Variants in EPSTI1 observed in about 807,000 individuals in gnomAD.
EPSTI1 encodes epithelial stromal interaction 1, also known as epithelial-stromal interaction protein 1.
In EPSTI1, 66 loss-of-function variants were observed where a neutral mutation model predicts 49.9. The ratio of observed to expected loss-of-function variants is 1.32; its 90% CI spans 1.08 to 1.62. The LOEUF (loss-of-function observed/expected upper bound fraction) is 1.62, where lower values mean the gene tolerates loss of function less well. EPSTI1 is among the 40% of genes most tolerant of loss of function. The pLI, the probability that EPSTI1 is intolerant of heterozygous loss-of-function variation, is 0.00. For missense variants in EPSTI1, 394 were observed against 365.5 expected (o/e 1.08, Z -0.64); for synonymous variants, 137 against 130.7 (o/e 1.05, Z -0.33).
intron 1 of EPSTI1, among the ~76,000 whole-genome samples, chr13:42,989,875 G>A (rs1445271873): frequency 1.3e-5 from 2 of 151,966 alleles, no homozygotes; most frequent in African/African-American, 2.4e-5. Flanking sequence ...TTACAGGCGT[G>A]AGACACCATG....
intron 5 of EPSTI1, among the ~76,000 whole-genome samples, chr13:42,957,089 G>T (rs1023082151): frequency 6.6e-6 from 1 of 152,100 alleles, no homozygotes; most frequent in Non-Finnish European, 1.5e-5. Context: ...GCAGGTACAG[G>T]GAAGAAAGAA....
intron 6 of EPSTI1, among the ~76,000 whole-genome samples, chr13:42,942,897 C>A (rs2038803686): frequency 6.6e-6 from 1 of 151,684 alleles, no homozygotes; most frequent in African/African-American, 2.4e-5. Flanking sequence ...ACCTTGTTAG[C>A]CAGGATGGTC....
chr13:42,945,366 A>T (rs888770093), intron 6 of EPSTI1, among the ~76,000 whole-genome samples: 3 of 152,142 alleles, frequency 2.0e-5, no homozygotes, highest in Non-Finnish European at 2.9e-5. Context: ...CCCACAACAC[A>T]TGGGAATTAT....
In EPSTI1 at chr13:42,922,985, T is replaced by C. The variant is rs992061970; in HGVS notation, c.657+3351A>G. Among the ~76,000 whole-genome samples, 17 of 152,072 alleles carry C rather than the reference T, an allele frequency of 1.1e-4. No individual in the cohort carries two copies. The highest frequency in any genetic ancestry group is 4.1e-4 in the African/African-American group (17 of 41,398). On this transcript the variant is annotated intron_variant, in intron 7 of 10. Coordinates refer to ENST00000313624, the MANE Select transcript of EPSTI1 (RefSeq NM_033255.5). This position sits in a 1 kb window ranked among gnomAD's most constrained non-coding sequence, Gnocchi z 4.8. Reference sequence around the variant, plus strand: ...TTCAAAAGCTTTGCTTCCCCTTACCTTGCTTGCAAAAGCTTTGCTTCCCCT... The same window carrying C: ...TTCAAAAGCTTTGCTTCCCCTTACCCTGCTTGCAAAAGCTTTGCTTCCCCT...
At chr13:42,899,850 T>C (rs1440535195) in intron 9 of EPSTI1, among the ~76,000 whole-genome samples, 1 of 148,150 alleles carries the variant, frequency 6.7e-6, no homozygotes, top group Non-Finnish European at 1.5e-5. Context: ...GGTTCTAAGA[T>C]TTTTTTTCTC....
rs533496994 is a variant in EPSTI1 at position 42,924,604 on chromosome 13, A to G, written c.657+1732T>C. Among the ~76,000 whole-genome samples the G allele has an allele frequency of 4.3e-3, 659 of 152,266 alleles. 2 individuals carry two copies. The highest frequency in any genetic ancestry group is 7.9e-3 in the Non-Finnish European group (536 of 68,016). ...TCCCTCTCCCTCCCTGACAGCCACA[A>G]GGATATCCAGACAGGTGTTTAGGGC... On this transcript the variant is annotated intron_variant, in intron 7 of 10. Transcript: ENST00000313624.
At chr13:42,952,335 A>G (rs1477246937) in intron 6 of EPSTI1, among the ~76,000 whole-genome samples, 1 of 152,154 alleles carries the variant, frequency 6.6e-6, no homozygotes, top group Non-Finnish European at 1.5e-5. Context: ...ACTCACCGCA[A>G]AGGTCCATGG....
At chr13:42,926,560 C>T (rs530852315) in intron 6 of EPSTI1, 131 bp from the exon 7 acceptor site, 22 of 698,518 alleles carry the variant, frequency 3.1e-5, no homozygotes, top group African/African-American at 8.7e-5. Context: ...CAGAAAGTTA[C>T]GTTGAGAACA....
chr13:42,891,366 T>C (rs1414994183), intron 10 of EPSTI1, among the ~76,000 whole-genome samples: 1 of 152,238 alleles, frequency 6.6e-6, no homozygotes, highest in Non-Finnish European at 1.5e-5. Context: ...CTTCGTTTAA[T>C]GGGAAGACAG....
intron 7 of EPSTI1, among the ~76,000 whole-genome samples, chr13:42,924,154 T>A (rs937070392): frequency 1.3e-5 from 2 of 152,242 alleles, no homozygotes; most frequent in Non-Finnish European, 2.9e-5. Context: ...ATTCTATGCA[T>A]ATGGATGAGA....
intron 5 of EPSTI1, among the ~76,000 whole-genome samples, chr13:42,957,200 C>A (rs2039299125): frequency 1.3e-5 from 2 of 152,214 alleles, no homozygotes; most frequent in Admixed American, 1.3e-4. Flanking sequence ...TCTAAGATTA[C>A]TATCATTTAA....
chr13:42,962,619 C>CAAAA (rs67950561), intron 5 of EPSTI1, among the ~76,000 whole-genome samples: 23 of 132,908 alleles, frequency 1.7e-4, no homozygotes, highest in Non-Finnish European at 2.7e-4. Flanking sequence ...ACAAAAAATA[C>CAAAA]AAAAAAAAAA....
At chr13:42,915,832 A>T (rs1353259183) in intron 8 of EPSTI1, among the ~76,000 whole-genome samples, 1 of 152,156 alleles carries the variant, frequency 6.6e-6, no homozygotes, top group African/African-American at 2.4e-5. Context: ...AGATTAAGAA[A>T]TAAAAAGTTT....
chr13:42,926,184 A>G (rs1268914266), intron 7 of EPSTI1, 152 bp downstream of exon 7: 5 of 625,788 alleles, frequency 8.0e-6, no homozygotes, highest in African/African-American at 7.2e-5. Context: ...TTTATAGCTC[A>G]GGCAACAGTT....
At chr13:42,987,693 A>G (rs1045372743) in intron 1 of EPSTI1, among the ~76,000 whole-genome samples, 6 of 152,118 alleles carry the variant, frequency 3.9e-5, no homozygotes, top group African/African-American at 1.4e-4. Flanking sequence ...CCCCTGCTTT[A>G]AAGTATACAT....
intron 6 of EPSTI1, among the ~76,000 whole-genome samples, chr13:42,949,076 C>T (rs983968886): frequency 2.6e-5 from 4 of 152,174 alleles, no homozygotes; most frequent in Non-Finnish European, 5.9e-5. Flanking sequence ...ATAACAAATT[C>T]CAACCTGACT....
intron 5 of EPSTI1, among the ~76,000 whole-genome samples, chr13:42,961,571 A>C (rs1169604453): frequency 4.6e-5 from 7 of 152,220 alleles, no homozygotes; most frequent in Non-Finnish European, 8.8e-5. Flanking sequence ...ACTGGATACT[A>C]AAGAGCTGGT....
chr13:42,942,935 A>G (rs7325528), intron 6 of EPSTI1, among the ~76,000 whole-genome samples: 56,801 of 150,598 alleles, frequency 0.38, 11,581 homozygotes, highest in African/African-American at 0.52. Flanking sequence ...TGATCCACCC[A>G]CCTCGGCCTC....
intron 5 of EPSTI1, among the ~76,000 whole-genome samples, chr13:42,957,911 G>A (rs1452984072): frequency 6.6e-6 from 1 of 152,146 alleles, no homozygotes; most frequent in African/African-American, 2.4e-5. Context: ...AATAAGTGAG[G>A]AATTTAAGAA....
Sources: allele counts gnomAD v4.1 joint callset (sites outside exome capture counted in the v4.1 genomes callset), GRCh38; gene constraint gnomAD v4.1.1; non-coding constraint Gnocchi (gnomAD v3.1); transcripts MANE v1.5; gene names NCBI Gene and HGNC (gene_info 2026-07-23, HGNC 2026-07-21).